Variants in LCT observed in about 807,000 individuals in gnomAD.
LCT encodes the protein lactase.
A neutral mutation model predicts 173.0 loss-of-function variants in LCT; 90 were observed. The observed-to-expected ratio is 0.52, with a 90% confidence interval of 0.44 to 0.62. The LOEUF (loss-of-function observed/expected upper bound fraction) is 0.62. Ranked by LOEUF, LCT falls within the 20% of genes least tolerant of loss-of-function variation. The pLI, the probability that LCT is intolerant of heterozygous loss-of-function variation, is 0.00. For synonymous variants in LCT, 853 were observed against 957.6 expected, an observed-to-expected ratio of 0.89 and a Z score of 2.02; for missense variants, 1,864 against 2,431.4, an observed-to-expected ratio of 0.77 and a Z score of 4.91.
In LCT at chr2:135,790,730, G is replaced by C. The variant is rs763787706; in HGVS notation, c.5263C>G (p.Arg1755Gly). 3.1e-6 allele frequency: 5 copies of C among 1,613,510 alleles called. No homozygotes were observed. Among genetic ancestry groups the C allele is most frequent in the Non-Finnish European group, 4.2e-6 (5 of 1,179,816 alleles). ...IYVTENGVSQ[R>G]EETDLNDTAR... ...GTGTCATTGAGGTCTGTTTCTTCCC[G>C]CTGGGACACTCCATTCTCTGTGACA... The change falls in exon 15 of 17, where the codon CGG becomes GGG. Residue 1755 changes from arginine (R) to glycine (G), a missense_variant. By Grantham distance (125) the Arg-to-Gly change is moderately radical. Coordinates refer to ENST00000264162, the MANE Select transcript of LCT (RefSeq NM_002299.4). This position sits in a 1 kb window ranked among gnomAD's most constrained non-coding sequence, Gnocchi z 4.1.
intron 3 of LCT, among the ~76,000 whole-genome samples, chr2:135,824,760 T>G (rs1029755341): frequency 1.3e-5 from 2 of 152,104 alleles, no homozygotes; most frequent in African/African-American, 4.8e-5. Context: ...CCCAGCACTT[T>G]GGGAAGTTGA....
chr2:135,798,404 G>C (rs1046292067), intron 12 of LCT, among the ~76,000 whole-genome samples: 9 of 152,190 alleles, frequency 5.9e-5, no homozygotes, highest in African/African-American at 2.2e-4. Flanking sequence ...TAACTGACCT[G>C]GGCACTGGCC....
intron 5 of LCT, among the ~76,000 whole-genome samples, chr2:135,821,132 C>T (rs569223289): frequency 4.6e-5 from 7 of 152,306 alleles, no homozygotes; most frequent in South Asian, 2.1e-4. Flanking sequence ...CCACCCGCCT[C>T]AGCCTCCCAA....
chr2:135,812,055 C>T (rs1328636098), intron 7 of LCT, among the ~76,000 whole-genome samples: 4 of 152,060 alleles, frequency 2.6e-5, no homozygotes, highest in Admixed American at 1.3e-4. Context: ...CTCCAGCTCT[C>T]CAGCGGGCAA....
At position 135,796,941 on chromosome 2, in the gene LCT, A is replaced by ATT. The variant is rs997582132; in HGVS notation, c.4976+1086_4976+1087dup. 0.016 allele frequency among the ~76,000 whole-genome samples: 1,906 copies of ATT among 118,696 alleles called. 86 individuals are homozygous for ATT. The East Asian group carries it at 0.17, about 11-fold the overall frequency. The allele number at this position is 118,696 out of a possible 152,430, so 77.9% of individuals were successfully genotyped here. A position where few individuals can be genotyped will look rare whatever the true frequency, so the allele number is the denominator to read the frequency against. ...GTGTGCATTGTGAGGTGGGAGCTGG[A>ATT]TTTTTTTTTTTTTTTTTTTTTTGAG... On this transcript the variant is annotated intron_variant, in intron 13 of 16. Coordinates refer to ENST00000264162, the MANE Select transcript of LCT (RefSeq NM_002299.4).
chr2:135,833,007 T>C (rs1211573029), intron 2 of LCT, 104 bp downstream of exon 2: 2 of 871,420 alleles, frequency 2.3e-6, no homozygotes, highest in Non-Finnish European at 4.0e-6. Flanking sequence ...TTCTGAGGCA[T>C]TTACAGAAAT....
Position 135,800,827 on chromosome 2 carries a change from G to T in LCT, c.4664-18C>A, listed in dbSNP as rs1373364692. 1 of 1,569,764 alleles carries T rather than the reference G, an allele frequency of 6.4e-7. No homozygotes were observed. The highest frequency in any genetic ancestry group is 8.8e-7 in the Non-Finnish European group (1 of 1,139,822). On this transcript the variant is annotated intron_variant, in intron 11 of 16. Transcript: ENST00000264162. ...GGAGACTCCTGGAAACATACACATG[G>T]ATGTCAACAGAGAATGGATAGAATG...
At chr2:135,823,826 G>A (rs2077858794) in intron 4 of LCT, 75 bp downstream of exon 4, 2 of 1,000,092 alleles carry the variant, frequency 2.0e-6, no homozygotes, top group African/African-American at 1.6e-5. Flanking sequence ...TGGAACCCCG[G>A]ACTTTCAAGA....
rs2077714300 is a variant in LCT at position 135,809,503 on chromosome 2, A to G, written c.2844T>C (p.Thr948=). 1 of 1,614,252 alleles carries G rather than the reference A, an allele frequency of 6.2e-7. No homozygotes were observed. Among genetic ancestry groups the G allele is most frequent in the African/African-American group, 1.3e-5 (1 of 75,074 alleles). The change falls in exon 8 of 17, where the codon ACT becomes ACC. Residue 948 remains threonine (T), a synonymous_variant. Transcript: ENST00000264162. The surrounding 1 kb of genome is among the most constrained non-coding windows in gnomAD (Gnocchi z 5.5). The part of the protein sequence containing the change: ...TPGSNVKDNA[T]GDIACDSYHQ... ...GATAGCTGTCACAGGCGATGTCTCC[A>G]GTGGCATTGTCTTTCACATTGCTCC...
rs952771666 is a variant in LCT at position 135,829,795 on chromosome 2, A to G, written c.721-119T>C. 1.4e-5 allele frequency: 10 copies of G among 725,544 alleles called. No individual in the cohort carries two copies. In the African/African-American group the frequency reaches 1.6e-4, roughly 11 times the overall value. 44.9% of individuals were successfully genotyped at this position (725,544 alleles called of 1,614,324 possible). ...ACTAAACCAAATATTCCAAAGCAGG[A>G]TTTTCCAAAGGAAAAGATGGAGATG... On this transcript the variant is annotated intron_variant, in intron 2 of 16. Coordinates refer to ENST00000264162, the MANE Select transcript of LCT (RefSeq NM_002299.4).
In LCT at chr2:135,800,739, G is replaced by C; in HGVS notation, c.4734C>G (p.Ala1578=). The part of the protein sequence containing the change: ...GHNLIKAHAE[A]WHLYNDVYRA... ...GGTACACATCGTTGTACAGATGCCAGGCCTCAGCATGAGCCTTTATTAGAT... is the reference window on the plus strand; with the variant it reads ...GGTACACATCGTTGTACAGATGCCACGCCTCAGCATGAGCCTTTATTAGAT... Residue 1578 remains alanine (A), a synonymous_variant, in exon 12 of 17, where the codon GCC becomes GCG. Transcript: ENST00000264162. 2 of 1,614,172 alleles carry C rather than the reference G, an allele frequency of 1.2e-6. No individual in the cohort carries two copies. The highest frequency in any genetic ancestry group is 1.7e-6 in the Non-Finnish European group (2 of 1,180,028).
chr2:135,829,477 G>T, intron 3 of LCT, 116 bp downstream of exon 3: 2 of 809,440 alleles, frequency 2.5e-6, no homozygotes, highest in Non-Finnish European at 2.2e-6. Flanking sequence ...CAACTCAGCC[G>T]GTCTCTGCTG....
intron 2 of LCT, among the ~76,000 whole-genome samples, chr2:135,831,815 G>A (rs2077943254): frequency 1.3e-5 from 2 of 152,186 alleles, no homozygotes; most frequent in African/African-American, 4.8e-5. Context: ...GGGCGATGCT[G>A]CAGAACTACG....
intron 16 of LCT, among the ~76,000 whole-genome samples, chr2:135,789,028 T>C (rs565711924): frequency 1.2e-4 from 19 of 152,364 alleles, no homozygotes; most frequent in African/African-American, 4.6e-4. Flanking sequence ...GGGTCAGGTG[T>C]TGAATTTTCC....
Position 135,790,616 on chromosome 2 carries a change from A to G in LCT, c.5335+42T>C, listed in dbSNP as rs1292590002. 1.5e-6 allele frequency: 2 copies of G among 1,303,074 alleles called. No homozygotes were observed. Among genetic ancestry groups the G allele is most frequent in the Non-Finnish European group, 2.2e-6 (2 of 898,398 alleles). The allele number at this position is 1,303,074 out of a possible 1,614,324, so 80.7% of individuals were successfully genotyped here. A position where few individuals can be genotyped will look rare whatever the true frequency, so the allele number is the denominator to read the frequency against. On this transcript the variant is annotated intron_variant, in intron 15 of 16. Transcript: ENST00000264162. The surrounding 1 kb of genome is among the most constrained non-coding windows in gnomAD (Gnocchi z 4.1). ...CTCCTGCAAATAGCAGATGTTTCCA[A>G]CAGGGGAAGGTGCACGCTGGGGAAG... is the stretch of plus-strand genomic sequence containing the variant.
rs371879764 is a variant in LCT at position 135,790,644 on chromosome 2, C to T, written c.5335+14G>A. ...GGGGAAGGTGCACGCTGGGGAAGGG[C>T]GGGCCCGTCGTACCTTTGAGGGCCT... On this transcript the variant is annotated intron_variant, in intron 15 of 16. Transcript: ENST00000264162. This position sits in a 1 kb window ranked among gnomAD's most constrained non-coding sequence, Gnocchi z 4.1. 3.2e-5 allele frequency: 49 copies of T among 1,545,070 alleles called. No homozygotes were observed. The highest frequency in any genetic ancestry group is 2.1e-4 in the South Asian group (19 of 89,710).
Position 135,790,360 on chromosome 2 carries a change from A to G in LCT, c.5335+298T>C, listed in dbSNP as rs971358696. On this transcript the variant is annotated intron_variant, in intron 15 of 16. Transcript: ENST00000264162. This position sits in a 1 kb window ranked among gnomAD's most constrained non-coding sequence, Gnocchi z 4.1. ...CCTACTCCTCCTGGGCCCTACCCAG[A>G]CCATTCTCAGGAGGGCACTGCTGTT... Among the ~76,000 whole-genome samples, 1 of 152,186 alleles carries G rather than the reference A, an allele frequency of 6.6e-6. No individual in the cohort carries two copies. The highest frequency in any genetic ancestry group is 6.5e-5 in the Admixed American group (1 of 15,278).
In LCT at chr2:135,808,898, GA is replaced by G; in HGVS notation, c.3448del (p.Ser1150ProfsTer19). On this transcript the variant is annotated frameshift_variant, in exon 8 of 17. Transcript: ENST00000264162. LOFTEE classifies it high-confidence loss of function. ...VEAADRMLQF[S>X]LGWFAHPIFR... ...AATGGGGTGAGCAAACCAGCCCAGG[GA>G]GAACTGCAGCATTCGGTCAGCGGCT... is the stretch of plus-strand genomic sequence containing the variant. 6.2e-7 allele frequency: 1 copy of G among 1,614,230 alleles called. No homozygotes were observed.
At chr2:135,801,950 C>T (rs2077631197) in intron 11 of LCT, among the ~76,000 whole-genome samples, 1 of 152,108 alleles carries the variant, frequency 6.6e-6, no homozygotes, top group South Asian at 2.1e-4. Context: ...TGGCTCACGG[C>T]AGCCTTGAAC....
Sources: gnomAD v4.1 joint callset for allele counts (sites outside exome capture counted in the v4.1 genomes callset) on GRCh38, gnomAD v4.1.1 for gene constraint, Gnocchi (gnomAD v3.1) non-coding constraint, MANE v1.5 for transcripts, NCBI Gene and HGNC (gene_info 2026-07-23, HGNC 2026-07-21) for gene names.